The following BPNT1 variants were observed in gnomAD, a reference collection of about 807,000 sequenced individuals.
BPNT1 encodes 3'(2'), 5'-bisphosphate nucleotidase 1, also known as 3'(2'),5'-bisphosphate nucleotidase 1.
BPNT1 carries 28 observed loss-of-function variants against 36.9 expected under a neutral mutation model. The ratio of observed to expected loss-of-function variants is 0.76; its 90% CI spans 0.56 to 1.04. The LOEUF is 1.04. Ranked by LOEUF, BPNT1 falls within the 50% of genes least tolerant of loss-of-function variation. The pLI is 0.00. For synonymous variants in BPNT1, 119 were observed against 130.9 expected, an observed-to-expected ratio of 0.91 and a Z score of 0.62; for missense variants, 313 against 372.9, an observed-to-expected ratio of 0.84 and a Z score of 1.32.
chr1:220,083,640 A>G (rs1380123225), intron 1 of BPNT1, among the ~76,000 whole-genome samples: 1 of 152,084 alleles, frequency 6.6e-6, no homozygotes, highest in East Asian at 1.9e-4. Context: ...TGCAGCTGAC[A>G]CTTGAACAAC....
intron 2 of BPNT1, among the ~76,000 whole-genome samples, chr1:220,078,843 G>T (rs753440036): frequency 1.1e-4 from 16 of 152,022 alleles, no homozygotes; most frequent in South Asian, 2.1e-4. Context: ...TGATCTGCCC[G>T]CCTTGGCCTC....
intron 1 of BPNT1, among the ~76,000 whole-genome samples, chr1:220,085,236 C>A (rs149210553): frequency 6.6e-6 from 1 of 152,206 alleles, no homozygotes; most frequent in African/African-American, 2.4e-5. Flanking sequence ...TAGCTACAGG[C>A]AAGTTAACTT....
At chr1:220,064,395 A>G (rs1663340980) in intron 6 of BPNT1, among the ~76,000 whole-genome samples, 1 of 152,112 alleles carries the variant, frequency 6.6e-6, no homozygotes, top group Non-Finnish European at 1.5e-5. Flanking sequence ...GTTTGTTAGG[A>G]AGTGCGCTTG....
intron 2 of BPNT1, among the ~76,000 whole-genome samples, chr1:220,077,548 C>T (rs756720959): frequency 6.6e-6 from 1 of 151,942 alleles, no homozygotes; most frequent in Admixed American, 6.6e-5. Flanking sequence ...CAAGCATGTC[C>T]CACCATGTCA....
At chr1:220,076,698 A>T (rs541624729) in intron 2 of BPNT1, among the ~76,000 whole-genome samples, 50 of 139,964 alleles carry the variant, frequency 3.6e-4, no homozygotes, top group East Asian at 2.3e-3. Flanking sequence ...AAAAAAAAAT[A>T]AATTAATAAT....
intron 1 of BPNT1, among the ~76,000 whole-genome samples, chr1:220,080,717 G>A (rs982197631): frequency 1.4e-4 from 21 of 152,196 alleles, no homozygotes; most frequent in African/African-American, 3.6e-4. Flanking sequence ...TACAATTTAA[G>A]ATGAGATTTG....
chr1:220,061,533 C>CA (rs533686309), intron 7 of BPNT1, among the ~76,000 whole-genome samples: 23,435 of 77,762 alleles, frequency 0.3, 2,392 homozygotes, highest in Middle Eastern at 0.49. Context: ...GACTCCGTCT[C>CA]AAAAAAAAAA....
At chr1:220,081,678 C>A (rs1655139338) in intron 1 of BPNT1, among the ~76,000 whole-genome samples, 1 of 152,114 alleles carries the variant, frequency 6.6e-6, no homozygotes, top group Non-Finnish European at 1.5e-5. Context: ...TGGCTTTCAG[C>A]TGCCATCTTT....
chr1:220,078,734 A>G (rs1339187128), intron 2 of BPNT1, among the ~76,000 whole-genome samples: 1 of 151,666 alleles, frequency 6.6e-6, no homozygotes, highest in African/African-American at 2.4e-5. Flanking sequence ...AGTAGCTGTG[A>G]GTATAGGTGT....
At chr1:220,076,327 T>C (rs1664541318) in intron 2 of BPNT1, among the ~76,000 whole-genome samples, 1 of 151,594 alleles carries the variant, frequency 6.6e-6, no homozygotes, top group African/African-American at 2.4e-5. Flanking sequence ...GGTGGAACCC[T>C]ATCTCTACTA....
At chr1:220,084,189 G>T (rs1048216489) in intron 1 of BPNT1, among the ~76,000 whole-genome samples, 3 of 151,890 alleles carry the variant, frequency 2.0e-5, no homozygotes, top group Non-Finnish European at 4.4e-5. Flanking sequence ...AAAATTAGTC[G>T]GGCGTGGTGG....
At chr1:220,065,242 G>A (rs1243468610) in intron 6 of BPNT1, among the ~76,000 whole-genome samples, 1 of 152,154 alleles carries the variant, frequency 6.6e-6, no homozygotes, top group Non-Finnish European at 1.5e-5. Flanking sequence ...AAAAAGGATG[G>A]GATCAAGGAC....
intron 2 of BPNT1, among the ~76,000 whole-genome samples, chr1:220,077,348 C>T (rs1440474546): frequency 6.6e-6 from 1 of 151,344 alleles, no homozygotes; most frequent in Non-Finnish European, 1.5e-5. Context: ...ATAAATCTAT[C>T]AAAAAAGGAA....
intron 8 of BPNT1, among the ~76,000 whole-genome samples, chr1:220,059,333 T>C (rs1211991783): frequency 1.5e-5 from 2 of 129,846 alleles, no homozygotes; most frequent in Non-Finnish European, 3.1e-5. Flanking sequence ...CTCGGTTCAC[T>C]ACAAGCCCAG....
At chr1:220,073,098 C>A (rs1371774250) in intron 3 of BPNT1, 141 bp from the exon 4 acceptor site, 5 of 774,862 alleles carry the variant, frequency 6.5e-6, no homozygotes, top group African/African-American at 5.3e-5. Flanking sequence ...GCTTTTAAAG[C>A]AAACCTTAAA....
intron 2 of BPNT1, among the ~76,000 whole-genome samples, chr1:220,076,670 A>G (rs1664576864): frequency 6.7e-6 from 1 of 149,778 alleles, no homozygotes; most frequent in African/African-American, 2.4e-5. Flanking sequence ...GGGCAACAAG[A>G]GTGAAACTCC....
chr1:220,078,039 G>C (rs1664714102), intron 2 of BPNT1, among the ~76,000 whole-genome samples: 1 of 151,676 alleles, frequency 6.6e-6, no homozygotes, highest in African/African-American at 2.4e-5. Context: ...GCTAGGTGTC[G>C]TGGCGCTTGC....
At chr1:220,078,501 T>A (rs1664795202) in intron 2 of BPNT1, among the ~76,000 whole-genome samples, 1 of 138,860 alleles carries the variant, frequency 7.2e-6, no homozygotes, top group South Asian at 2.1e-4. Context: ...ATAATAAATT[T>A]TATATAATAT....
intron 3 of BPNT1, among the ~76,000 whole-genome samples, chr1:220,073,583 C>T (rs1228603587): frequency 3.3e-5 from 5 of 152,140 alleles, no homozygotes; most frequent in South Asian, 4.1e-4. Flanking sequence ...TGAGCCACTG[C>T]GCCTGGCCTA....
Sources: allele counts gnomAD v4.1 joint callset (sites outside exome capture counted in the v4.1 genomes callset), GRCh38; gene constraint gnomAD v4.1.1; transcripts MANE v1.5; gene names NCBI Gene and HGNC (gene_info 2026-07-23, HGNC 2026-07-21).